The following LOC400499 variants were observed in gnomAD, a reference collection of about 807,000 sequenced individuals.
the LOC400499 span, among the ~76,000 whole-genome samples, chr16:11,410,779 G>A: frequency 1.3e-5 from 2 of 152,188 alleles, no homozygotes; most frequent in East Asian, 1.9e-4. Flanking sequence ...CAGGAGCTCC[G>A]GATCTGGGCA....
the LOC400499 span, chr16:11,450,814 A>C: frequency 1.3e-6 from 2 of 1,530,092 alleles, no homozygotes; most frequent in Admixed American, 3.9e-5. Context: ...ATCCAGGTTC[A>C]AGGCTCCTGC....
chr16:11,389,982 GAGA>G, the LOC400499 span: 22 of 535,674 alleles, frequency 4.1e-5, no homozygotes, highest in African/African-American at 3.7e-4. Context: ...AAAACGAGGA[GAGA>G]AGAAGCCCCT....
At chr16:11,526,789 G>A in the LOC400499 span, among the ~76,000 whole-genome samples, 1 of 152,158 alleles carries the variant, frequency 6.6e-6, no homozygotes, top group Non-Finnish European at 1.5e-5. Context: ...TCGGCTCACT[G>A]CAGCCTCGAC....
the LOC400499 span, among the ~76,000 whole-genome samples, chr16:11,446,086 A>C: frequency 1.3e-5 from 2 of 151,918 alleles, no homozygotes; most frequent in African/African-American, 2.4e-5. Context: ...TGGCCTCCCA[A>C]AGTGCTAGGA....
chr16:11,522,890 A>G, the LOC400499 span, among the ~76,000 whole-genome samples: 1 of 152,182 alleles, frequency 6.6e-6, no homozygotes, highest in South Asian at 2.1e-4. Flanking sequence ...TAGGGAACAG[A>G]GAGGTCTGTA....
At chr16:11,439,370 G>A in the LOC400499 span, 4 of 396,168 alleles carry the variant, frequency 1.0e-5, no homozygotes, top group East Asian at 1.4e-4. Context: ...GCAAGTGTGG[G>A]CTCCCTCCCT....
At chr16:11,397,773 T>TGGAGGGAGGGAGGGAGGGAGGGATGGAG in the LOC400499 span, among the ~76,000 whole-genome samples, 1 of 34,684 alleles carries the variant, frequency 2.9e-5, no homozygotes, top group African/African-American at 1.2e-4. Context: ...GAGGGAGGGA[T>TGGAGGGAGGGAGGGAGGGAGGGATGGAG]GGAGGGAGGG....
the LOC400499 span, chr16:11,456,865 A>G: frequency 6.5e-7 from 1 of 1,536,242 alleles, no homozygotes; most frequent in Non-Finnish European, 8.7e-7. Context: ...TCACCTTCCC[A>G]CTTCCACAGG....
the LOC400499 span, among the ~76,000 whole-genome samples, chr16:11,525,603 C>T: frequency 3.9e-5 from 6 of 152,118 alleles, no homozygotes; most frequent in African/African-American, 1.2e-4. Context: ...GTAATCATTA[C>T]GTTCTCGATT....
At chr16:11,493,347 G>A in the LOC400499 span, among the ~76,000 whole-genome samples, 3 of 152,178 alleles carry the variant, frequency 2.0e-5, no homozygotes, top group Non-Finnish European at 2.9e-5. Context: ...AAACTTTATT[G>A]AGAAAAACAG....
At chr16:11,479,037 T>C in the LOC400499 span, among the ~76,000 whole-genome samples, 7 of 152,316 alleles carry the variant, frequency 4.6e-5, no homozygotes, top group East Asian at 1.3e-3. Flanking sequence ...TAAATTTCTT[T>C]CTTTGGTAAA....
At chr16:11,429,017 C>G in the LOC400499 span, among the ~76,000 whole-genome samples, 1 of 152,156 alleles carries the variant, frequency 6.6e-6, no homozygotes, top group South Asian at 2.1e-4. Flanking sequence ...ATGATCATGA[C>G]AGATTACTGA....
At chr16:11,482,555 A>G in the LOC400499 span, among the ~76,000 whole-genome samples, 549 of 152,292 alleles carry the variant, frequency 3.6e-3, 2 homozygotes, top group Non-Finnish European at 6.0e-3. Context: ...AAGATACACC[A>G]CAGACTGGGA....
chr16:11,446,732 C>T, the LOC400499 span: 5 of 1,535,090 alleles, frequency 3.3e-6, no homozygotes, highest in Non-Finnish European at 3.5e-6. Flanking sequence ...CCGGGCTATG[C>T]CCCAGACACA....
chr16:11,497,872 T>G, the LOC400499 span, among the ~76,000 whole-genome samples: 1 of 152,076 alleles, frequency 6.6e-6, no homozygotes, highest in Non-Finnish European at 1.5e-5. Flanking sequence ...ACAATCTTAA[T>G]GCAAAAATCT....
the LOC400499 span, among the ~76,000 whole-genome samples, chr16:11,475,217 G>C: frequency 6.6e-6 from 1 of 151,942 alleles, no homozygotes; most frequent in Non-Finnish European, 1.5e-5. Flanking sequence ...ATGCATGCGG[G>C]GCTTGTAACC....
At chr16:11,415,458 C>T in the LOC400499 span, among the ~76,000 whole-genome samples, 7 of 152,218 alleles carry the variant, frequency 4.6e-5, no homozygotes, top group Non-Finnish European at 8.8e-5. Context: ...GGGCACAGCC[C>T]GCCCGCCTCA....
chr16:11,514,515 A>C, the LOC400499 span: 1 of 399,638 alleles, frequency 2.5e-6, no homozygotes, highest in African/African-American at 2.1e-5. Context: ...CTCTGGACGC[A>C]GGTCAGGCGG....
chr16:11,512,302 T>A, the LOC400499 span, among the ~76,000 whole-genome samples: 1 of 141,236 alleles, frequency 7.1e-6, no homozygotes, highest in African/African-American at 2.7e-5. Context: ...ATAAATAAAA[T>A]AATAATAATA....
Sources: gnomAD v4.1 joint callset for allele counts (sites outside exome capture counted in the v4.1 genomes callset) on GRCh38, gnomAD v4.1.1 for gene constraint, MANE v1.5 for transcripts.